AP3B2: variants seen among roughly 807,000 people sequenced by gnomAD.
AP3B2 encodes the protein AP-3 complex subunit beta-2.
Under a neutral mutation model 126.9 loss-of-function variants are expected in AP3B2, and 50 were observed. That is an observed-to-expected ratio of 0.39 (90% CI 0.31 to 0.50). The LOEUF (loss-of-function observed/expected upper bound fraction) is 0.50. Among genes scored for constraint, AP3B2 ranks in the 20% least tolerant of loss-of-function variants. AP3B2 has a pLI of 0.79. For missense variants in AP3B2, 1,177 were observed against 1,426.4 expected, an observed-to-expected ratio of 0.83 and a Z score of 2.82; for synonymous variants, 541 against 565.0, an observed-to-expected ratio of 0.96 and a Z score of 0.60.
intron 1 of AP3B2, among the ~76,000 whole-genome samples, chr15:82,701,008 G>A (rs1861576783): frequency 6.6e-6 from 1 of 152,010 alleles, no homozygotes; most frequent in Non-Finnish European, 1.5e-5. Flanking sequence ...TTATAGACAT[G>A]CGTTACCACA....
At chr15:82,679,632 G>A in intron 10 of AP3B2, 97 bp downstream of exon 10, 1 of 1,146,832 alleles carries the variant, frequency 8.7e-7, no homozygotes, top group Non-Finnish European at 1.3e-6. Context: ...TCAGCCCCAG[G>A]AATAGGCAGG....
At chr15:82,704,656 GC>G (rs1260740191) in intron 1 of AP3B2, among the ~76,000 whole-genome samples, 1 of 152,244 alleles carries the variant, frequency 6.6e-6, no homozygotes, top group African/African-American at 2.4e-5. Flanking sequence ...CACTCCCAGA[GC>G]CCCTGGAACT....
chr15:82,691,743 A>G (rs2048537321), intron 1 of AP3B2: 1 of 1,585,078 alleles, frequency 6.3e-7, no homozygotes, highest in African/African-American at 1.4e-5. Context: ...CTGAAAGGAG[A>G]GAAGTGGTGT....
rs778055382 is a variant in AP3B2, at chr15:82,699,736, T to C, written c.113+9858A>G. On this transcript the variant is annotated intron_variant, in intron 1 of 26. Coordinates refer to ENST00000535359, the MANE Select transcript of AP3B2 (RefSeq NM_001278512.2). ...CTGGGCCTGCAGCCACCGAAGCTCC[T>C]CAGGCTCCAAGGCCTGGTACCGGAG... is the stretch of plus-strand genomic sequence containing the variant. 5 of 399,330 alleles carry C rather than the reference T, an allele frequency of 1.3e-5. No individual in the cohort carries two copies. In the Admixed American group the frequency reaches 2.2e-4, roughly 18 times the overall value. 24.7% of individuals were successfully genotyped at this position (399,330 alleles called of 1,614,324 possible).
Position 82,680,762 on chromosome 15 carries a change from G to C in AP3B2, c.772-7C>G, listed in dbSNP as rs757047154. On this transcript the variant is annotated splice_region_variant and splice_polypyrimidine_tract_variant and intron_variant, in intron 7 of 26. Transcript: ENST00000535359. This position sits in a 1 kb window ranked among gnomAD's most constrained non-coding sequence, Gnocchi z 6.1. ...TCTCCTCTAGTAGGGATTCCTGGAC[G>C]GGGAGACCGACGGGTCTGTGGGCGC... 1.1e-5 allele frequency: 17 copies of C among 1,593,124 alleles called. No individual in the cohort carries two copies. The highest frequency in any genetic ancestry group is 1.0e-4 in the Admixed American group (6 of 58,278).
chr15:82,685,170 A>G (rs1271233169), intron 4 of AP3B2: 1 of 152,238 alleles, frequency 6.6e-6, no homozygotes, highest in Non-Finnish European at 1.5e-5. Flanking sequence ...ATCAAAGATC[A>G]CTGATCACCA....
chr15:82,669,183 T>G (rs1385521143), intron 14 of AP3B2, among the ~76,000 whole-genome samples: 1 of 152,202 alleles, frequency 6.6e-6, no homozygotes, highest in Non-Finnish European at 1.5e-5. Flanking sequence ...TATGATCCTA[T>G]GATTATGTTT....
At chr15:82,678,268 T>C in intron 10 of AP3B2, 101 bp from the exon 11 acceptor site, 1 of 1,116,146 alleles carries the variant, frequency 9.0e-7, no homozygotes, top group Non-Finnish European at 1.3e-6. Context: ...ACAATCCTCA[T>C]GACAGCCCTG....
At chr15:82,663,261 G>A in intron 21 of AP3B2, 28 bp from the exon 22 acceptor site, 1 of 1,567,640 alleles carries the variant, frequency 6.4e-7, no homozygotes, top group Non-Finnish European at 8.8e-7. Context: ...ACTATGAGGA[G>A]GCAAAGTGGA....
At chr15:82,676,325 G>A in intron 14 of AP3B2, 136 bp downstream of exon 14, 1 of 905,966 alleles carries the variant, frequency 1.1e-6, no homozygotes, top group Non-Finnish European at 1.6e-6. Context: ...TATGTGGGCA[G>A]ACCAGCCACC....
rs577595039 is a variant in AP3B2, at chr15:82,668,690, G to C, written c.1666-1757C>G. On this transcript the variant is annotated intron_variant, in intron 14 of 26. Coordinates refer to ENST00000535359, the MANE Select transcript of AP3B2 (RefSeq NM_001278512.2). ...AATTCATTACCCTTCTCCACCCCAA[G>C]GGGCCATTCCCTGTGGATTGTGGCA... Among the ~76,000 whole-genome samples the C allele has an allele frequency of 5.9e-5, 9 of 152,208 alleles. No individual in the cohort carries two copies. In the East Asian group the frequency reaches 1.7e-3, roughly 29 times the overall value.
At chr15:82,660,831 C>G (rs1365499564) in intron 25 of AP3B2, among the ~76,000 whole-genome samples, 2 of 152,192 alleles carry the variant, frequency 1.3e-5, no homozygotes, top group Non-Finnish European at 2.9e-5. Context: ...GAAGTGAGAT[C>G]CTTCATCGTG....
chr15:82,709,048 T>G (rs1335334185), intron 1 of AP3B2, among the ~76,000 whole-genome samples: 1 of 151,826 alleles, frequency 6.6e-6, no homozygotes, highest in Non-Finnish European at 1.5e-5. Context: ...GGTGTGAAGG[T>G]GGAGCTGAAC....
chr15:82,678,673 C>T (rs1245705805), intron 10 of AP3B2, among the ~76,000 whole-genome samples: 1 of 152,212 alleles, frequency 6.6e-6, no homozygotes, highest in African/African-American at 2.4e-5. Flanking sequence ...CTCATATCCT[C>T]CGGGAAAACT....
At chr15:82,707,514 T>C (rs556581765) in intron 1 of AP3B2, among the ~76,000 whole-genome samples, 50 of 152,336 alleles carry the variant, frequency 3.3e-4, no homozygotes, top group African/African-American at 1.1e-3. Context: ...ATACATGCCC[T>C]GCTCTTGTTT....
Position 82,664,746 on chromosome 15 carries a change from A to C in AP3B2, c.2137+89T>G, listed in dbSNP as rs1425735371. The C allele has an allele frequency of 1.8e-6, 2 of 1,104,068 alleles. No individual in the cohort carries two copies. The highest frequency in any genetic ancestry group is 1.3e-6 in the Non-Finnish European group (1 of 761,236). 68.4% of individuals were successfully genotyped at this position (1,104,068 alleles called of 1,614,324 possible). A position where few individuals can be genotyped will look rare whatever the true frequency, so the allele number is the denominator to read the frequency against. ...CACAAGCAGGTGCACACCCCTAGACACACAACCATATACATATACCCCTCA... is the reference window on the plus strand; with the variant it reads ...CACAAGCAGGTGCACACCCCTAGACCCACAACCATATACATATACCCCTCA... On this transcript the variant is annotated intron_variant, in intron 18 of 26. Coordinates refer to ENST00000535359, the MANE Select transcript of AP3B2 (RefSeq NM_001278512.2). The surrounding 1 kb of genome is among the most constrained non-coding windows in gnomAD (Gnocchi z 4.5).
In AP3B2 at chr15:82,659,362, T is replaced by C. The variant is rs1299279358; in HGVS notation, c.*198A>G. The C allele has an allele frequency of 1.6e-6, 1 of 636,996 alleles. No individual in the cohort carries two copies. Among genetic ancestry groups the C allele is most frequent in the Non-Finnish European group, 2.7e-6 (1 of 371,056 alleles). 39.5% of individuals were successfully genotyped at this position (636,996 alleles called of 1,614,324 possible). A position where few individuals can be genotyped will look rare whatever the true frequency, so the allele number is the denominator to read the frequency against. On this transcript the variant is annotated 3_prime_UTR_variant, in exon 27 of 27. Transcript: ENST00000535359. ...GACTGAAGGGAGTGGCTGCCATCTC[T>C]CTCTGCACAGATCACTAAGGAATCC...
At position 82,659,605 on chromosome 15, in the gene AP3B2, A is replaced by G. The variant is rs1273170580; in HGVS notation, c.3261T>C (p.Ile1087=). 2 of 1,613,896 alleles carry G rather than the reference A, an allele frequency of 1.2e-6. No individual in the cohort carries two copies. Among genetic ancestry groups the G allele is most frequent in the African/African-American group, 2.7e-5 (2 of 75,004 alleles). Residue 1087 remains isoleucine (I), a synonymous_variant, in exon 27 of 27, where the codon ATT becomes ATC. Transcript: ENST00000535359. ...QLTVNSEKMV[I]GTMLVKDVIQ... ...TCACATCCTTTACCAGCATGGTGCC[A>G]ATCACCATTTTCTCGCTGTTGACAG...
At chr15:82,698,788 A>AGG (rs1334760035) in intron 1 of AP3B2, among the ~76,000 whole-genome samples, 2 of 151,560 alleles carry the variant, frequency 1.3e-5, no homozygotes, top group African/African-American at 4.9e-5. Flanking sequence ...GCGCCTGTCA[A>AGG]ATGCACACAC....
Sources: gnomAD v4.1 joint callset for allele counts (sites outside exome capture counted in the v4.1 genomes callset) on GRCh38, gnomAD v4.1.1 for gene constraint, Gnocchi (gnomAD v3.1) non-coding constraint, MANE v1.5 for transcripts, NCBI Gene and HGNC (gene_info 2026-07-23, HGNC 2026-07-21) for gene names.